WIZ: variants seen among roughly 807,000 people sequenced by gnomAD.
The protein encoded by WIZ is WIZ zinc finger.
A neutral mutation model predicts 140.2 loss-of-function variants in WIZ; 25 were observed. That is an observed-to-expected ratio of 0.18 (90% CI 0.13 to 0.25). WIZ has a LOEUF of 0.25. WIZ is among the 10% of genes least tolerant of loss of function. WIZ has a pLI of 1.00. For synonymous variants in WIZ, 1,125 were observed against 1,154.3 expected, an observed-to-expected ratio of 0.97 and a Z score of 0.51; for missense variants, 2,231 against 2,632.6, an observed-to-expected ratio of 0.85 and a Z score of 3.34.
At position 15,424,515 on chromosome 19, in the gene WIZ, G is replaced by A; in HGVS notation, c.5314+98C>T. ...ATGGGTGAATGGGTAAGCAACTGGA[G>A]AAAGGACTTAAGGGCCACAGCAGAG... On this transcript the variant is annotated intron_variant, in intron 11 of 12. Transcript: ENST00000673675. The surrounding 1 kb of genome is among the most constrained non-coding windows in gnomAD (Gnocchi z 9.7). 1 of 1,530,410 alleles carries A rather than the reference G, an allele frequency of 6.5e-7. No individual in the cohort carries two copies. Among genetic ancestry groups the A allele is most frequent in the South Asian group, 1.3e-5 (1 of 79,906 alleles). The allele number at this position is 1,530,410 out of a possible 1,614,324, so 94.8% of individuals were successfully genotyped here. A position where few individuals can be genotyped will look rare whatever the true frequency, so the allele number is the denominator to read the frequency against.
At position 15,429,762 on chromosome 19, in the gene WIZ, T is replaced by C. The variant is rs766371922; in HGVS notation, c.3239A>G (p.Lys1080Arg). ...AGAGCTGGGCGGGTGGCCCAGGCCC[T>C]TGGCCGAGAAGCCGGGAGGCGACTT... ...AIKSPPGFSA[K>R]GLGHPPSSPL... Residue 1080 changes from lysine (K) to arginine (R), a missense_variant, in exon 7 of 13, where the codon AAG becomes AGG. This residue lies in a region of WIZ where 163 missense variants were observed against 166.8 expected (regional missense o/e 0.98). Transcript: ENST00000673675. 1.9e-5 allele frequency: 28 copies of C among 1,506,352 alleles called. No individual in the cohort carries two copies. Among genetic ancestry groups the C allele is most frequent in the Non-Finnish European group, 2.3e-5 (26 of 1,129,774 alleles). The allele number at this position is 1,506,352 out of a possible 1,614,324, so 93.3% of individuals were successfully genotyped here. A position where few individuals can be genotyped will look rare whatever the true frequency, so the allele number is the denominator to read the frequency against.
rs150658540 is a variant in WIZ at position 15,421,444 on chromosome 19, T to G, written c.*1632A>C. 49 of 152,406 alleles carry G rather than the reference T, an allele frequency of 3.2e-4. No individual in the cohort carries two copies. The highest frequency in any genetic ancestry group is 1.2e-3 in the African/African-American group (49 of 41,558). 9.4% of individuals were successfully genotyped at this position (152,406 alleles called of 1,614,324 possible). A position where few individuals can be genotyped will look rare whatever the true frequency, so the allele number is the denominator to read the frequency against. Reference sequence around the variant, plus strand: ...GGTGGCCCCTTCTGTCCACACGCCATGAGGTCGTTCCCACTCTCCAGCACT... The same window carrying G: ...GGTGGCCCCTTCTGTCCACACGCCAGGAGGTCGTTCCCACTCTCCAGCACT... On this transcript the variant is annotated 3_prime_UTR_variant, in exon 13 of 13. Transcript: ENST00000673675.
chr19:15,443,121 G>A lies in WIZ; in HGVS notation c.206-373C>T, dbSNP rs1969801101. ...GAGTCTTGCTCTGTTGCCCAGGCTG[G>A]AGTGCAATGGCACAATCTCGGCTCA... On this transcript the variant is annotated intron_variant, in intron 2 of 12. Coordinates refer to ENST00000673675, the MANE Select transcript of WIZ (RefSeq NM_001371589.1). Among the ~76,000 whole-genome samples the A allele has an allele frequency of 2.0e-5, 3 of 152,182 alleles. No homozygotes were observed. The South Asian group carries it at 6.2e-4, about 32-fold the overall frequency.
chr19:15,438,441 C>A (rs911069168), intron 4 of WIZ, 137 bp downstream of exon 4: 21 of 1,044,672 alleles, frequency 2.0e-5, no homozygotes, highest in Non-Finnish European at 2.5e-5. Context: ...ACCAGGTGGC[C>A]TTCACTGTGG....
chr19:15,425,119 C>T (rs1251206338), intron 10 of WIZ, 87 bp from the exon 11 acceptor site: 16 of 1,508,928 alleles, frequency 1.1e-5, no homozygotes, highest in East Asian at 2.4e-5. Flanking sequence ...GTGCCAATCC[C>T]GCCTCCCACA....
Position 15,439,644 on chromosome 19 carries a change from G to C in WIZ, c.1350C>G (p.Ser450Arg), listed in dbSNP as rs1052215091. ...SGAGSPSPEA[S>R]ALLYQPYGAA... is the part of the protein sequence containing the mutation. ...CTCCGTAGGGCTGATAGAGGAGGGC[G>C]CTGGCCTCAGGGCTGGGGCTGCCAG... Residue 450 changes from serine to arginine, a missense_variant, in exon 4 of 13, where the codon AGC becomes AGG. Transcript: ENST00000673675. The surrounding 1 kb of genome is among the most constrained non-coding windows in gnomAD (Gnocchi z 7.0). The C allele has an allele frequency of 2.7e-6, 4 of 1,494,468 alleles. No homozygotes were observed. The highest frequency in any genetic ancestry group is 4.6e-5 in the Admixed American group (2 of 43,038). The allele number at this position is 1,494,468 out of a possible 1,614,324, so 92.6% of individuals were successfully genotyped here. A position where few individuals can be genotyped will look rare whatever the true frequency, so the allele number is the denominator to read the frequency against.
Position 15,428,363 on chromosome 19 carries a change from G to A in WIZ, c.3561C>T (p.Asp1187=), listed in dbSNP as rs1391766252. The A allele has an allele frequency of 2.6e-6, 4 of 1,535,426 alleles. No homozygotes were observed. Among genetic ancestry groups the A allele is most frequent in the Non-Finnish European group, 2.6e-6 (3 of 1,146,702 alleles). Residue 1187 remains aspartate, a synonymous_variant, in exon 8 of 13, where the codon GAC becomes GAT. Coordinates refer to ENST00000673675, the MANE Select transcript of WIZ (RefSeq NM_001371589.1). The surrounding 1 kb of genome is among the most constrained non-coding windows in gnomAD (Gnocchi z 6.4). ...SDPDAKGSPI[D]VLHGLIRRDG... ...CCCTCCTGATGAGCCCGTGGAGCAC[G>A]TCTATGGGGGATCCCTTGGCGTCCG...
At position 15,420,942 on chromosome 19, in the gene WIZ, C is replaced by T. The variant is rs1007222223; in HGVS notation, c.*2134G>A. On this transcript the variant is annotated 3_prime_UTR_variant, in exon 13 of 13. Transcript: ENST00000673675. ...CCAGCCCGGGCAACATGGTGAAACC[C>T]CCGTCTCTACAAAAATTACAGATAT... 1 of 152,114 alleles carries T rather than the reference C, an allele frequency of 6.6e-6. No individual in the cohort carries two copies. The highest frequency in any genetic ancestry group is 1.5e-5 in the Non-Finnish European group (1 of 68,054). 9.4% of individuals were successfully genotyped at this position (152,114 alleles called of 1,614,324 possible).
Position 15,440,629 on chromosome 19 carries a change from C to T in WIZ, c.365G>A (p.Arg122Gln), listed in dbSNP as rs919842062. Reference sequence around the variant, plus strand: ...GACAAGGGGGTGCTCCCAGGGCCCCCGGCCATCAGGGGTACCTGGGAAATG... The same window carrying T: ...GACAAGGGGGTGCTCCCAGGGCCCCTGGCCATCAGGGGTACCTGGGAAATG... ...LGHFPGTPDG[R>Q]GPWEHPLVQE... Residue 122 changes from arginine (R) to glutamine (Q), a missense_variant, in exon 4 of 13, where the codon CGG becomes CAG. By Grantham distance (43) the Arg-to-Gln change is conservative. This residue lies in a region of WIZ where 307 missense variants were observed against 294.1 expected (regional missense o/e 1.04). Transcript: ENST00000673675. This position sits in a 1 kb window ranked among gnomAD's most constrained non-coding sequence, Gnocchi z 6.2. The T allele has an allele frequency of 3.6e-5, 55 of 1,531,988 alleles. No homozygotes were observed. The highest frequency in any genetic ancestry group is 2.2e-4 in the Admixed American group (11 of 50,888). The allele number at this position is 1,531,988 out of a possible 1,614,324, so 94.9% of individuals were successfully genotyped here.
chr19:15,429,564 G>T, intron 7 of WIZ, 22 bp downstream of exon 7: 3 of 1,192,270 alleles, frequency 2.5e-6, no homozygotes, highest in Middle Eastern at 5.8e-4. Flanking sequence ...AACCTCCCTC[G>T]GCTCTTGGGA....
In WIZ at chr19:15,439,488, G is replaced by A; in HGVS notation, c.1506C>T (p.Asp502=). The part of the protein sequence containing the change: ...WEEDGEAYEE[D]PASQPGTSQD... ...GGCTAGTGCCTGGCTGGCTGGCAGGGTCTTCCTCATAAGCCTCGCCATCCT... is the reference window on the plus strand; with the variant it reads ...GGCTAGTGCCTGGCTGGCTGGCAGGATCTTCCTCATAAGCCTCGCCATCCT... The change falls in exon 4 of 13, where the codon GAC becomes GAT. Residue 502 remains aspartate, a synonymous_variant. Transcript: ENST00000673675. This position sits in a 1 kb window ranked among gnomAD's most constrained non-coding sequence, Gnocchi z 7.0. The A allele has an allele frequency of 5.9e-6, 9 of 1,535,102 alleles. No individual in the cohort carries two copies. Among genetic ancestry groups the A allele is most frequent in the Non-Finnish European group, 7.9e-6 (9 of 1,146,334 alleles).
In WIZ at chr19:15,438,759, C is replaced by G. The variant is rs756370007; in HGVS notation, c.2235G>C (p.Lys745Asn). 1 of 1,535,494 alleles carries G rather than the reference C, an allele frequency of 6.5e-7. No homozygotes were observed. Among genetic ancestry groups the G allele is most frequent in the Non-Finnish European group, 8.7e-7 (1 of 1,146,380 alleles). Residue 745 changes from lysine to asparagine, a missense_variant, in exon 4 of 13, where the codon AAG (lysine) becomes AAC (asparagine). Transcript: ENST00000673675. ...LLDGDPAMAL[K>N]HEERKCPYCP... Reference sequence around the variant, plus strand: ...AGTAGGGGCATTTCCGCTCCTCGTGCTTCAGTGCCATGGCCGGATCCCCAT... The same window carrying G: ...AGTAGGGGCATTTCCGCTCCTCGTGGTTCAGTGCCATGGCCGGATCCCCAT...
chr19:15,444,478 G>A (rs1156991600), intron 2 of WIZ, among the ~76,000 whole-genome samples: 3 of 152,152 alleles, frequency 2.0e-5, no homozygotes, highest in South Asian at 2.1e-4. Flanking sequence ...GCAGAATGGT[G>A]AGCAGCATCC....
chr19:15,422,102 G>C lies in WIZ; in HGVS notation c.*974C>G, dbSNP rs1968406838. 1 of 152,246 alleles carries C rather than the reference G, an allele frequency of 6.6e-6. No individual in the cohort carries two copies. Among genetic ancestry groups the C allele is most frequent in the African/African-American group, 2.4e-5 (1 of 41,456 alleles). The allele number at this position is 152,246 out of a possible 1,614,324, so 9.4% of individuals were successfully genotyped here. A position where few individuals can be genotyped will look rare whatever the true frequency, so the allele number is the denominator to read the frequency against. On this transcript the variant is annotated 3_prime_UTR_variant, in exon 13 of 13. Transcript: ENST00000673675. ...GGCCGCCTGCCCCAGGGTGTTTCCA[G>C]AAGAGAAATTTAATCTAATTTACAT...
Position 15,428,051 on chromosome 19 carries a change from C to G in WIZ, c.3814+59G>C, listed in dbSNP as rs946889721. On this transcript the variant is annotated intron_variant, in intron 8 of 12. Transcript: ENST00000673675. The surrounding 1 kb of genome is among the most constrained non-coding windows in gnomAD (Gnocchi z 6.4). ...CAGCAGGGAGGGGGCTGTGACCCCC[C>G]CCCCGGGAGGGGCTCCAGGGCCCGC... 42 of 1,515,250 alleles carry G rather than the reference C, an allele frequency of 2.8e-5. No individual in the cohort carries two copies. The highest frequency in any genetic ancestry group is 3.2e-5 in the Non-Finnish European group (36 of 1,138,700). The allele number at this position is 1,515,250 out of a possible 1,614,324, so 93.9% of individuals were successfully genotyped here.
chr19:15,447,444 G>C (rs1229940767), intron 2 of WIZ, among the ~76,000 whole-genome samples: 1 of 152,242 alleles, frequency 6.6e-6, no homozygotes, highest in Non-Finnish European at 1.5e-5. Context: ...TTGTTTAGTT[G>C]CTTGTTGTCC....
At chr19:15,432,423 C>T (rs1201685990) in intron 5 of WIZ, 3 of 982,902 alleles carry the variant, frequency 3.1e-6, no homozygotes, top group Non-Finnish European at 3.6e-6. Context: ...CTCCCAAGCG[C>T]GGGCTCTTAC....
At position 15,424,605 on chromosome 19, in the gene WIZ, G is replaced by A. The variant is rs1406352719; in HGVS notation, c.5314+8C>T. On this transcript the variant is annotated splice_region_variant and intron_variant, in intron 11 of 12. Coordinates refer to ENST00000673675, the MANE Select transcript of WIZ (RefSeq NM_001371589.1). The surrounding 1 kb of genome is among the most constrained non-coding windows in gnomAD (Gnocchi z 9.7). ...TGCGCTCCCGACCCTCCTCCACCAAGCACTCACTGTTGATGTTCTGCCGCT... is the reference window on the plus strand; with the variant it reads ...TGCGCTCCCGACCCTCCTCCACCAAACACTCACTGTTGATGTTCTGCCGCT... 4 of 1,585,850 alleles carry A rather than the reference G, an allele frequency of 2.5e-6. No homozygotes were observed. Among genetic ancestry groups the A allele is most frequent in the Non-Finnish European group, 2.6e-6 (3 of 1,174,296 alleles).
At chr19:15,429,225 C>T (rs970166105) in intron 7 of WIZ, among the ~76,000 whole-genome samples, 1 of 152,216 alleles carries the variant, frequency 6.6e-6, no homozygotes, top group African/African-American at 2.4e-5. Context: ...CTTCCAACTA[C>T]CACTGAGAAA....
Sources: gnomAD v4.1 joint callset for allele counts (sites outside exome capture counted in the v4.1 genomes callset) on GRCh38, gnomAD v4.1.1 for gene constraint, gnomAD v4.1.1 regional missense constraint, Gnocchi (gnomAD v3.1) non-coding constraint, MANE v1.5 for transcripts, NCBI Gene and HGNC (gene_info 2026-07-23, HGNC 2026-07-21) for gene names.